IQSEC1: variants seen among roughly 807,000 people sequenced by gnomAD.
IQSEC1 encodes IQ motif and SEC7 domain-containing protein 1.
A neutral mutation model predicts 91.0 loss-of-function variants in IQSEC1; 31 were observed. The observed-to-expected ratio is 0.34, with a 90% CI of 0.26 to 0.46. IQSEC1 has a LOEUF of 0.46. Among genes scored for constraint, IQSEC1 ranks in the 20% least tolerant of loss-of-function variants. IQSEC1 has a pLI of 1.00. For synonymous variants in IQSEC1, 699 were observed against 662.6 expected (o/e 1.05, Z -0.84); for missense variants, 1,388 against 1,575.6 (o/e 0.88, Z 2.02).
chr3:13,110,894 C>T (rs1310869983), intron 2 of IQSEC1, among the ~76,000 whole-genome samples: 3 of 152,186 alleles, frequency 2.0e-5, no homozygotes, highest in Non-Finnish European at 4.4e-5. Context: ...ACCCAGGAAA[C>T]AGACAGCCAG....
chr3:12,932,823 G>A (rs1319814926), intron 3 of IQSEC1, among the ~76,000 whole-genome samples: 1 of 152,232 alleles, frequency 6.6e-6, no homozygotes, highest in Admixed American at 6.5e-5. Context: ...AGCCAGATCA[G>A]CTGTGTGGCT....
intron 10 of IQSEC1, among the ~76,000 whole-genome samples, chr3:12,910,804 G>A (rs889407041): frequency 1.3e-5 from 2 of 152,204 alleles, no homozygotes; most frequent in African/African-American, 4.8e-5. Flanking sequence ...TGATTAGACA[G>A]ACAGTGACAC....
At chr3:13,001,078 A>G (rs1272727119) in intron 1 of IQSEC1, among the ~76,000 whole-genome samples, 1 of 151,788 alleles carries the variant, frequency 6.6e-6, no homozygotes, top group East Asian at 1.9e-4. Context: ...AGGCCTCCCA[A>G]GTAGCTGGGA....
intron 1 of IQSEC1, among the ~76,000 whole-genome samples, chr3:13,064,921 C>T (rs527662636): frequency 5.4e-4 from 83 of 152,350 alleles, no homozygotes; most frequent in Non-Finnish European, 8.8e-4. Context: ...TAACTGTGCC[C>T]AGGACTGACC....
intron 2 of IQSEC1, among the ~76,000 whole-genome samples, chr3:13,124,483 T>C (rs1008753812): frequency 1.3e-5 from 2 of 152,206 alleles, no homozygotes; most frequent in Admixed American, 1.3e-4. Context: ...TGAGTGACTG[T>C]AGAGCTTGGA....
At chr3:13,244,986 A>G (rs1045717337) in intron 1 of IQSEC1, among the ~76,000 whole-genome samples, 2 of 152,206 alleles carry the variant, frequency 1.3e-5, no homozygotes, top group African/African-American at 4.8e-5. Context: ...AGTCTCGAGA[A>G]GCACTGTGTA....
At chr3:13,149,831 C>T (rs1201551740) in intron 2 of IQSEC1, among the ~76,000 whole-genome samples, 1 of 152,226 alleles carries the variant, frequency 6.6e-6, no homozygotes, top group Non-Finnish European at 1.5e-5. Flanking sequence ...AGAGGGACCC[C>T]TGCCCTCTAC....
chr3:13,029,097 A>G (rs544414222), intron 1 of IQSEC1, among the ~76,000 whole-genome samples: 3 of 152,356 alleles, frequency 2.0e-5, no homozygotes, highest in Middle Eastern at 6.8e-3. Flanking sequence ...GAAGATCACG[A>G]ATATATAGCA....
chr3:12,915,258 A>G, intron 7 of IQSEC1, 125 bp from the exon 8 acceptor site: 1 of 1,107,184 alleles, frequency 9.0e-7, no homozygotes, highest in South Asian at 1.4e-5. Flanking sequence ...TGGGGTACCC[A>G]CTCTCTCTGG....
chr3:13,015,910 A>C (rs576573068), intron 1 of IQSEC1, among the ~76,000 whole-genome samples: 1 of 152,318 alleles, frequency 6.6e-6, no homozygotes, highest in South Asian at 2.1e-4. Context: ...ATCGTGTTTC[A>C]GGGCCACTTA....
chr3:13,206,240 T>C (rs1343596716), intron 1 of IQSEC1, among the ~76,000 whole-genome samples: 1 of 137,578 alleles, frequency 7.3e-6, no homozygotes, highest in African/African-American at 2.7e-5. Context: ...CAAAACATCA[T>C]GTATATAGGG....
chr3:12,906,567 C>T (rs1695008870), intron 12 of IQSEC1, among the ~76,000 whole-genome samples: 1 of 152,230 alleles, frequency 6.6e-6, no homozygotes, highest in African/African-American at 2.4e-5. Context: ...CAATGGCAGG[C>T]CCAGGGTGGG....
chr3:13,049,863 A>G (rs1281656538), intron 1 of IQSEC1, among the ~76,000 whole-genome samples: 1 of 152,202 alleles, frequency 6.6e-6, no homozygotes, highest in Non-Finnish European at 1.5e-5. Context: ...ACATGGGTCC[A>G]AGGAATTGAG....
chr3:13,090,060 C>CAAA lies in IQSEC1; in HGVS notation c.303-42541_303-42539dup, dbSNP rs55704739. The stretch of plus-strand genomic sequence containing the variant: ...GAAACCCCGTCTCCACTAAAAAATA[C>CAAA]AAAAAATATTAGCGGGGTGTGGTGG... On this transcript the variant is annotated intron_variant, in intron 2 of 15. Transcript: ENST00000648114. Among the ~76,000 whole-genome samples the CAAA allele has an allele frequency of 2.8e-4, 43 of 151,694 alleles. No homozygotes were observed. In the South Asian group the frequency reaches 5.8e-3, roughly 21 times the overall value.
intron 1 of IQSEC1, among the ~76,000 whole-genome samples, chr3:13,196,294 C>A (rs557173059): frequency 3.3e-5 from 5 of 152,302 alleles, no homozygotes; most frequent in African/African-American, 1.2e-4. Flanking sequence ...CATCCAGGCA[C>A]CTGAAGCCTC....
At chr3:12,943,335 C>T (rs768721726) in intron 1 of IQSEC1, among the ~76,000 whole-genome samples, 1 of 152,216 alleles carries the variant, frequency 6.6e-6, no homozygotes, top group East Asian at 1.9e-4. Flanking sequence ...GAGCTCATCC[C>T]GACTCGGAAC....
At chr3:12,930,602 T>A (rs1697580015) in intron 3 of IQSEC1, among the ~76,000 whole-genome samples, 1 of 152,166 alleles carries the variant, frequency 6.6e-6, no homozygotes, top group South Asian at 2.1e-4. Flanking sequence ...GGTTCTCTGA[T>A]GGCCCTCCTG....
chr3:12,901,618 A>G (rs1694317589), intron 13 of IQSEC1, 96 bp from the exon 14 acceptor site: 1 of 1,051,658 alleles, frequency 9.5e-7, no homozygotes, highest in South Asian at 1.6e-5. Context: ...TCACCCACTG[A>G]CTGCTAAGCT....
At chr3:12,913,687 C>T in intron 8 of IQSEC1, 134 bp from the exon 9 acceptor site, 1 of 758,744 alleles carries the variant, frequency 1.3e-6, no homozygotes, top group South Asian at 1.8e-5. Context: ...TGCCTTCCCT[C>T]ACAGACATTG....
Sources: gnomAD v4.1 joint callset for allele counts (sites outside exome capture counted in the v4.1 genomes callset) on GRCh38, gnomAD v4.1.1 for gene constraint, MANE v1.5 for transcripts, NCBI Gene and HGNC (gene_info 2026-07-23, HGNC 2026-07-21) for gene names.